Variants in SUGCT observed in about 807,000 individuals in gnomAD.
SUGCT encodes succinyl-CoA:glutarate-CoA transferase, also known as succinyl-CoA:glutarate CoA-transferase.
Under a neutral mutation model 55.0 loss-of-function variants are expected in SUGCT, and 41 were observed. That is an observed-to-expected ratio of 0.74 (90% CI 0.58 to 0.97). SUGCT has a LOEUF of 0.97. SUGCT is among the 50% of genes least tolerant of loss of function. The probability of loss-of-function intolerance (pLI) is 0.00; values close to 1 mark genes in which losing one functional copy is unlikely to be tolerated. For synonymous variants in SUGCT, 187 were observed against 200.4 expected (o/e 0.93, Z 0.56); for missense variants, 568 against 547.8 (o/e 1.04, Z -0.37).
At chr7:40,893,439 C>A in the SUGCT span, among the ~76,000 whole-genome samples, 25,559 of 151,868 alleles carry the variant, frequency 0.17, 3,129 homozygotes, top group African/African-American at 0.35. Context: ...ATAAGGTAGG[C>A]CATGAAACAA....
chr7:40,388,365 C>A (rs1379746045), intron 9 of SUGCT, among the ~76,000 whole-genome samples: 1 of 152,108 alleles, frequency 6.6e-6, no homozygotes, highest in Admixed American at 6.5e-5. Flanking sequence ...ACTTCCTCAC[C>A]TTAACTTAGT....
intron 13 of SUGCT, among the ~76,000 whole-genome samples, chr7:40,772,536 ATCT>A (rs1789185008): frequency 1.3e-5 from 2 of 150,684 alleles, no homozygotes; most frequent in Admixed American, 6.6e-5. Context: ...CTATCTATCT[ATCT>A]ATCTATCTAT....
chr7:40,342,063 T>A (rs1797078526), intron 9 of SUGCT, among the ~76,000 whole-genome samples: 2 of 152,238 alleles, frequency 1.3e-5, no homozygotes, highest in Admixed American at 1.3e-4. Context: ...ATGGCCATGA[T>A]GAAGTCATCC....
intron 12 of SUGCT, among the ~76,000 whole-genome samples, chr7:40,566,814 A>T (rs193010884): frequency 1.3e-5 from 2 of 152,230 alleles, no homozygotes; most frequent in Admixed American, 6.5e-5. Flanking sequence ...GCAATCTTAG[A>T]TGCACATACC....
intron 13 of SUGCT, among the ~76,000 whole-genome samples, chr7:40,789,609 T>C (rs1790205820): frequency 6.6e-6 from 1 of 152,202 alleles, no homozygotes; most frequent in Non-Finnish European, 1.5e-5. Flanking sequence ...TTTTGAGATC[T>C]TGATTTCAGT....
At chr7:40,168,900 T>A (rs1226971670) in intron 1 of SUGCT, among the ~76,000 whole-genome samples, 2 of 152,150 alleles carry the variant, frequency 1.3e-5, no homozygotes, top group Non-Finnish European at 2.9e-5. Flanking sequence ...CTTGCGGATC[T>A]TTTGGCTTCG....
intron 9 of SUGCT, among the ~76,000 whole-genome samples, chr7:40,377,202 T>C (rs866698943): frequency 4.4e-4 from 2 of 4,506 alleles, no homozygotes; most frequent in African/African-American, 2.5e-4. Context: ...TTCTTTCTTT[T>C]CTTTTCTTTT....
chr7:40,839,277 C>T (rs761854509), intron 13 of SUGCT, among the ~76,000 whole-genome samples: 1 of 152,094 alleles, frequency 6.6e-6, no homozygotes, highest in Non-Finnish European at 1.5e-5. Flanking sequence ...GGATCTTGCT[C>T]TGTTGCTCAG....
chr7:40,516,988 C>T (rs1165801302), intron 12 of SUGCT, among the ~76,000 whole-genome samples: 1 of 151,956 alleles, frequency 6.6e-6, no homozygotes, highest in African/African-American at 2.4e-5. Flanking sequence ...TTATTTATGT[C>T]TTCTTTAATT....
chr7:40,280,985 C>G (rs1213912700), intron 8 of SUGCT, among the ~76,000 whole-genome samples: 1 of 152,086 alleles, frequency 6.6e-6, no homozygotes, highest in Non-Finnish European at 1.5e-5. Flanking sequence ...TCCGTGGGCC[C>G]TGGGAACTTT....
the SUGCT span, among the ~76,000 whole-genome samples, chr7:41,006,390 G>C: frequency 2.6e-5 from 4 of 152,178 alleles, no homozygotes; most frequent in Non-Finnish European, 4.4e-5. Flanking sequence ...AGTAAAGAGG[G>C]CTGCATGCTC....
rs965457190 is a variant in SUGCT, at chr7:40,628,529, C to T, written c.1090-120905C>T. On this transcript the variant is annotated intron_variant, in intron 12 of 13. Coordinates refer to ENST00000335693, the MANE Select transcript of SUGCT (RefSeq NM_001193313.2). ...GGCCAGATGAGAGCACACTCAGGAA[C>T]GCCTGCCATCTTGAATGGAAAGATC... Among the ~76,000 whole-genome samples the T allele has an allele frequency of 5.9e-5, 9 of 152,334 alleles. No homozygotes were observed. In the East Asian group the frequency reaches 7.7e-4, roughly 13 times the overall value.
rs142339357 is a variant in SUGCT, at chr7:40,682,159, C to T, written c.1090-67275C>T. Among the ~76,000 whole-genome samples, 396 of 152,240 alleles carry T rather than the reference C, an allele frequency of 2.6e-3. 2 individuals carry two copies. The highest frequency in any genetic ancestry group is 8.7e-3 in the African/African-American group (362 of 41,566). The stretch of plus-strand genomic sequence containing the variant: ...AGGATTTTCCTTTATTTCCATGCTT[C>T]GGGGTTCCCCACAGCCTGCTAAAAG... On this transcript the variant is annotated intron_variant, in intron 12 of 13. Transcript: ENST00000335693.
intron 6 of SUGCT, among the ~76,000 whole-genome samples, chr7:40,233,144 TTAAA>T (rs1425170680): frequency 6.6e-6 from 1 of 152,082 alleles, no homozygotes; most frequent in Admixed American, 6.5e-5. Context: ...TAGTCAGTAT[TTAAA>T]TAGTTACAAG....
At chr7:40,642,351 T>TTGG (rs1445757688) in intron 12 of SUGCT, among the ~76,000 whole-genome samples, 2 of 152,214 alleles carry the variant, frequency 1.3e-5, no homozygotes, top group African/African-American at 2.4e-5. Context: ...TCTTCTGTAT[T>TTGG]CTGTAAAGTG....
chr7:40,828,529 C>T (rs1792471807), intron 13 of SUGCT, among the ~76,000 whole-genome samples: 1 of 150,246 alleles, frequency 6.7e-6, no homozygotes, highest in Non-Finnish European at 1.5e-5. Context: ...ATTTTGTTTC[C>T]TCCTCCTATT....
At chr7:40,201,401 A>G (rs971730225) in intron 6 of SUGCT, among the ~76,000 whole-genome samples, 8 of 152,210 alleles carry the variant, frequency 5.3e-5, no homozygotes, top group Non-Finnish European at 8.8e-5. Context: ...TGATAGTTTA[A>G]TAGATGATAT....
At position 40,138,137 on chromosome 7, in the gene SUGCT, C is replaced by G. The variant is rs549559681; in HGVS notation, c.100+3017C>G. On this transcript the variant is annotated intron_variant, in intron 1 of 13. Coordinates refer to ENST00000335693, the MANE Select transcript of SUGCT (RefSeq NM_001193313.2). ...GCAAGCAACCTCCTGTAGTCCATCC[C>G]CTTCCCTCTACATCCCCAACCCTCC... is the stretch of plus-strand genomic sequence containing the variant. Among the ~76,000 whole-genome samples the G allele has an allele frequency of 2.0e-5, 3 of 152,266 alleles. No homozygotes were observed. In the East Asian group the frequency reaches 5.8e-4, roughly 29 times the overall value.
intron 12 of SUGCT, among the ~76,000 whole-genome samples, chr7:40,541,887 TCA>T (rs1350873100): frequency 1.8e-4 from 27 of 152,302 alleles, no homozygotes; most frequent in African/African-American, 6.0e-4. Context: ...AGGATATATT[TCA>T]TGGAGCGGGT....
Sources: allele counts gnomAD v4.1 joint callset (sites outside exome capture counted in the v4.1 genomes callset), GRCh38; gene constraint gnomAD v4.1.1; transcripts MANE v1.5; gene names NCBI Gene and HGNC (gene_info 2026-07-23, HGNC 2026-07-21).